The following LY96 variants were observed in gnomAD, a reference collection of about 807,000 sequenced individuals.
The protein encoded by LY96 is lymphocyte antigen 96.
A neutral mutation model predicts 18.9 loss-of-function variants in LY96; 18 were observed. The observed-to-expected ratio is 0.95, with a 90% CI of 0.66 to 1.41. The LOEUF (loss-of-function observed/expected upper bound fraction) is 1.41, where lower values mean the gene tolerates loss of function less well. Ranked by LOEUF, LY96 falls within the 40% of genes most tolerant of loss-of-function variation. The probability of loss-of-function intolerance (pLI) is 0.00; values close to 1 mark genes in which losing one functional copy is unlikely to be tolerated. For synonymous variants in LY96, 66 were observed against 62.6 expected, an observed-to-expected ratio of 1.06 and a Z score of -0.26; for missense variants, 175 against 182.4, an observed-to-expected ratio of 0.96 and a Z score of 0.23.
chr8:74,034,170 T>G, the LY96 span, among the ~76,000 whole-genome samples: 1 of 152,144 alleles, frequency 6.6e-6, no homozygotes, highest in African/African-American at 2.4e-5. Context: ...GCCAGAAGTT[T>G]GATCAGCCTA....
At chr8:73,995,142 C>G (rs1426276650) in intron 1 of LY96, among the ~76,000 whole-genome samples, 1 of 152,112 alleles carries the variant, frequency 6.6e-6, no homozygotes, top group Non-Finnish European at 1.5e-5. Context: ...CTGCTTTTGC[C>G]CCCTCTTGCC....
the LY96 span, among the ~76,000 whole-genome samples, chr8:74,074,472 A>T: frequency 6.6e-6 from 1 of 151,290 alleles, no homozygotes; most frequent in East Asian, 1.9e-4. Flanking sequence ...TATTGTTTTC[A>T]TTTCAATTTT....
intron 3 of LY96, among the ~76,000 whole-genome samples, chr8:74,015,920 C>G (rs1816631847): frequency 6.6e-6 from 1 of 152,106 alleles, no homozygotes; most frequent in Admixed American, 6.5e-5. Context: ...AGGAGCAGCT[C>G]CAGTCTGCAG....
chr8:74,074,040 C>T, the LY96 span, among the ~76,000 whole-genome samples: 9 of 152,034 alleles, frequency 5.9e-5, no homozygotes, highest in Admixed American at 2.6e-4. Flanking sequence ...CCCTGTTGCC[C>T]AGGCTGCAGT....
the LY96 span, among the ~76,000 whole-genome samples, chr8:74,063,438 T>A: frequency 3.3e-5 from 5 of 152,178 alleles, no homozygotes; most frequent in African/African-American, 1.2e-4. Context: ...ATATTGATGA[T>A]CCCTTTGTGT....
At chr8:74,042,083 C>T in the LY96 span, among the ~76,000 whole-genome samples, 7 of 152,326 alleles carry the variant, frequency 4.6e-5, no homozygotes, top group South Asian at 1.4e-3. Flanking sequence ...CCAGCTGACA[C>T]TTACGGAAAA....
chr8:74,072,911 G>A, the LY96 span, among the ~76,000 whole-genome samples: 1 of 152,202 alleles, frequency 6.6e-6, no homozygotes, highest in Non-Finnish European at 1.5e-5. Flanking sequence ...AGAACTGCTA[G>A]CAGATATATA....
At chr8:74,066,667 T>C in the LY96 span, among the ~76,000 whole-genome samples, 10 of 152,202 alleles carry the variant, frequency 6.6e-5, no homozygotes, top group Non-Finnish European at 2.9e-5. Flanking sequence ...ATTGACAGAC[T>C]GCAGCAGGGA....
At chr8:73,991,606 A>G in intron 1 of LY96, 52 bp downstream of exon 1, 1 of 1,033,070 alleles carries the variant, frequency 9.7e-7, no homozygotes, top group Non-Finnish European at 1.5e-6. Context: ...TTTGAGGGTA[A>G]GTTTTCACGA....
chr8:74,090,283 T>C, the LY96 span, among the ~76,000 whole-genome samples: 1 of 152,082 alleles, frequency 6.6e-6, no homozygotes, highest in South Asian at 2.1e-4. Flanking sequence ...GTCATGTTGG[T>C]CTTGTTTACC....
At chr8:74,050,022 A>G in the LY96 span, among the ~76,000 whole-genome samples, 1 of 152,042 alleles carries the variant, frequency 6.6e-6, no homozygotes, top group Non-Finnish European at 1.5e-5. Context: ...CATTTTTTAA[A>G]TAAATAAATA....
At chr8:74,038,743 T>C in the LY96 span, among the ~76,000 whole-genome samples, 1 of 152,174 alleles carries the variant, frequency 6.6e-6, no homozygotes, top group Non-Finnish European at 1.5e-5. Flanking sequence ...ATGTACCATA[T>C]TTTCTTTATC....
the LY96 span, among the ~76,000 whole-genome samples, chr8:74,045,285 A>G: frequency 6.6e-6 from 1 of 152,242 alleles, no homozygotes. Flanking sequence ...TTAACATGAC[A>G]TAAATATAAA....
the LY96 span, among the ~76,000 whole-genome samples, chr8:74,070,571 T>C: frequency 2.0e-5 from 3 of 152,172 alleles, no homozygotes; most frequent in Non-Finnish European, 4.4e-5. Flanking sequence ...GTTACCACAA[T>C]TATGTCAGTA....
At chr8:74,025,718 GA>G (rs1409213752) in intron 3 of LY96, among the ~76,000 whole-genome samples, 1 of 139,768 alleles carries the variant, frequency 7.2e-6, no homozygotes, top group Non-Finnish European at 1.6e-5. Flanking sequence ...AAAAAGAAAA[GA>G]AAAGACAGCT....
At chr8:74,029,576 G>A (rs1276140233), downstream of LY96, among the ~76,000 whole-genome samples, 4 of 152,144 alleles carry the variant, frequency 2.6e-5, no homozygotes, top group East Asian at 1.9e-4. Context: ...GAAGAAGGAC[G>A]CGTTTGCTTC....
chr8:74,011,959 A>C, intron 3 of LY96, among the ~76,000 whole-genome samples: 1 of 111,902 alleles, frequency 8.9e-6, no homozygotes, highest in South Asian at 2.4e-4. Context: ...ATTACTAATC[A>C]TCAGAGAAAA....
chr8:74,046,646 C>G, the LY96 span, among the ~76,000 whole-genome samples: 61 of 152,144 alleles, frequency 4.0e-4, no homozygotes, highest in Non-Finnish European at 8.1e-4. Flanking sequence ...CCATCCTGAA[C>G]TTGTTTTTTG....
chr8:74,024,084 C>CG (rs1816821766), intron 3 of LY96, among the ~76,000 whole-genome samples: 1 of 151,970 alleles, frequency 6.6e-6, no homozygotes, highest in Non-Finnish European at 1.5e-5. Context: ...CTTTTCATGG[C>CG]AAAAACTGCA....
Sources: gnomAD v4.1 joint callset for allele counts (sites outside exome capture counted in the v4.1 genomes callset) on GRCh38, gnomAD v4.1.1 for gene constraint, MANE v1.5 for transcripts, NCBI Gene and HGNC (gene_info 2026-07-23, HGNC 2026-07-21) for gene names.